The following DSCC1 variants were observed in gnomAD, a reference collection of about 807,000 sequenced individuals.
DSCC1 encodes sister chromatid cohesion protein DCC1.
In DSCC1, 32 loss-of-function variants were observed where a neutral mutation model predicts 48.2. The ratio of observed to expected loss-of-function variants is 0.66; its 90% CI spans 0.50 to 0.89. The LOEUF (loss-of-function observed/expected upper bound fraction) is 0.89, where lower values mean the gene tolerates loss of function less well. Ranked by LOEUF, DSCC1 falls within the 40% of genes least tolerant of loss-of-function variation. DSCC1 has a pLI of 0.00. For missense variants in DSCC1, 421 were observed against 471.7 expected, an observed-to-expected ratio of 0.89 and a Z score of 1.00; for synonymous variants, 150 against 171.5, an observed-to-expected ratio of 0.87 and a Z score of 0.98.
chr8:119,848,097 T>G (rs902691803), intron 3 of DSCC1, among the ~76,000 whole-genome samples: 12 of 152,236 alleles, frequency 7.9e-5, no homozygotes, highest in African/African-American at 2.9e-4. Flanking sequence ...CACCTCATCC[T>G]GGGACTACAG....
At chr8:119,848,983 G>A (rs1053889649) in intron 3 of DSCC1, among the ~76,000 whole-genome samples, 2 of 152,012 alleles carry the variant, frequency 1.3e-5, no homozygotes, top group African/African-American at 4.8e-5. Context: ...AGGAGATCGA[G>A]ACCATCCTGG....
chr8:119,848,385 T>C (rs934428476), intron 3 of DSCC1, among the ~76,000 whole-genome samples: 1 of 152,240 alleles, frequency 6.6e-6, no homozygotes, highest in Non-Finnish European at 1.5e-5. Flanking sequence ...AAAGGACTTG[T>C]ATCTGGACTA....
rs751110303 is a variant in DSCC1, at chr8:119,834,922, C to T, written c.1153G>A (p.Val385Ile). 6.2e-7 allele frequency: 1 copy of T among 1,610,074 alleles called. No homozygotes were observed. Among genetic ancestry groups the T allele is most frequent in the Non-Finnish European group, 8.5e-7 (1 of 1,177,482 alleles). Residue 385 changes from valine (V) to isoleucine (I), a missense_variant, in exon 9 of 9, where the codon GTT (valine) becomes ATT (isoleucine). Around this residue, in one of 3 missense-constraint regions of DSCC1, gnomAD observed 238 missense variants for 259.0 expected, o/e 0.92. Transcript: ENST00000313655. ...GAAATGGGTCTTCTCGAATTATAAA[C>T]TTTAACACCATTTTGCATCGAAGAA... ...SHSSMQNGVK[V>I]YNSRRPIS is the part of the protein sequence containing the mutation.
At chr8:119,846,254 C>T (rs979377723) in intron 4 of DSCC1, among the ~76,000 whole-genome samples, 2 of 151,790 alleles carry the variant, frequency 1.3e-5, no homozygotes, top group African/African-American at 2.4e-5. Flanking sequence ...GCTGGGATTA[C>T]AGGCACCCAC....
intron 7 of DSCC1, among the ~76,000 whole-genome samples, chr8:119,840,927 A>C (rs1826758508): frequency 6.6e-6 from 1 of 151,870 alleles, no homozygotes; most frequent in South Asian, 2.1e-4. Context: ...TAAATAAATA[A>C]ATAAATAAAA....
intron 8 of DSCC1, 92 bp from the exon 9 acceptor site, chr8:119,835,093 A>C (rs1826659664): frequency 4.7e-6 from 4 of 842,612 alleles, no homozygotes; most frequent in Non-Finnish European, 5.5e-6. Context: ...TCTCCCCCTG[A>C]ATCTGTCTTC....
chr8:119,844,622 C>T (rs1027803447), intron 4 of DSCC1, among the ~76,000 whole-genome samples: 50 of 151,424 alleles, frequency 3.3e-4, no homozygotes, highest in African/African-American at 1.1e-3. Flanking sequence ...TACTCTTGCC[C>T]AAGCTGGTCT....
chr8:119,836,477 TGATCCATCAG>T (rs1563942038), intron 8 of DSCC1, among the ~76,000 whole-genome samples: 1 of 152,066 alleles, frequency 6.6e-6, no homozygotes, highest in East Asian at 1.9e-4. Flanking sequence ...AGGTACAAGA[TGATCCATCAG>T]GGTTTGCTCA....
Position 119,842,780 on chromosome 8 carries a change from A to T in DSCC1, c.765T>A (p.Asp255Glu), listed in dbSNP as rs917605356. Residue 255 changes from aspartate to glutamate, a missense_variant, in exon 6 of 9, where the codon GAT (aspartate) becomes GAA (glutamate). Physicochemically the swap from Asp to Glu is conservative, Grantham distance 45. Around this residue, in one of 3 missense-constraint regions of DSCC1, gnomAD observed 238 missense variants for 259.0 expected, o/e 0.92. Coordinates refer to ENST00000313655, the MANE Select transcript of DSCC1 (RefSeq NM_024094.3). ...CLKCYGKKYV[D>E]EGEVYFELDA... ...AGAATACTTTCCAAATCTTACCTTCATCTACATATTTCTTCCCATAACATT... is the reference window on the plus strand; with the variant it reads ...AGAATACTTTCCAAATCTTACCTTCTTCTACATATTTCTTCCCATAACATT... 5.0e-6 allele frequency: 8 copies of T among 1,606,288 alleles called. No homozygotes were observed. The highest frequency in any genetic ancestry group is 6.0e-6 in the Non-Finnish European group (7 of 1,175,862).
chr8:119,843,724 C>A lies in DSCC1; in HGVS notation c.601G>T (p.Asp201Tyr). 6.2e-7 allele frequency: 1 copy of A among 1,610,042 alleles called. No homozygotes were observed. Among genetic ancestry groups the A allele is most frequent in the South Asian group, 1.1e-5 (1 of 89,736 alleles). Residue 201 changes from aspartate to tyrosine, a missense_variant, in exon 5 of 9, where the codon GAT becomes TAT. Around this residue, in one of 3 missense-constraint regions of DSCC1, gnomAD observed 238 missense variants for 259.0 expected, o/e 0.92. Transcript: ENST00000313655. ...TGATTCAGAAGTTTCATCTCATAAT[C>A]AAATTCAAGAATCCTCCAATAACCT... Reference protein sequence around the residue: ...IGGYWRILEFDYEMKLLNHVT... With the variant: ...IGGYWRILEFYYEMKLLNHVT...
chr8:119,845,036 G>C (rs115356542), intron 4 of DSCC1, among the ~76,000 whole-genome samples: 1,673 of 151,362 alleles, frequency 0.011, 32 homozygotes, highest in African/African-American at 0.038. Context: ...TCCTGTGAGA[G>C]ATTATGACAT....
At chr8:119,854,400 A>G (rs1461702867) in intron 1 of DSCC1, among the ~76,000 whole-genome samples, 2 of 152,236 alleles carry the variant, frequency 1.3e-5, no homozygotes, top group African/African-American at 4.8e-5. Flanking sequence ...TTTCTTTTGA[A>G]TAAATAATAA....
At chr8:119,842,482 A>C (rs1389878026) in intron 6 of DSCC1, among the ~76,000 whole-genome samples, 2 of 151,420 alleles carry the variant, frequency 1.3e-5, no homozygotes, top group African/African-American at 4.9e-5. Context: ...CCCCGGGCTC[A>C]GGTGATCCTC....
chr8:119,846,757 G>A (rs187754930), intron 4 of DSCC1, among the ~76,000 whole-genome samples: 7 of 152,220 alleles, frequency 4.6e-5, no homozygotes, highest in Admixed American at 6.5e-5. Flanking sequence ...ACAGGGTTTC[G>A]CCACATTGGC....
At position 119,848,513 on chromosome 8, in the gene DSCC1, T is replaced by A. The variant is rs1323751600; in HGVS notation, c.487-1433A>T. ...AATCGTCAATAAGCCCATGAAAAGA[T>A]GTTCAACATCAATGGAAAATAGTGC... On this transcript the variant is annotated intron_variant, in intron 3 of 8. Coordinates refer to ENST00000313655, the MANE Select transcript of DSCC1 (RefSeq NM_024094.3). 2.0e-5 allele frequency among the ~76,000 whole-genome samples: 3 copies of A among 152,182 alleles called. No individual in the cohort carries two copies. The East Asian group carries it at 5.8e-4, about 29-fold the overall frequency.
chr8:119,845,223 C>T (rs1826838904), intron 4 of DSCC1, among the ~76,000 whole-genome samples: 2 of 152,022 alleles, frequency 1.3e-5, no homozygotes, highest in Non-Finnish European at 2.9e-5. Flanking sequence ...GTAGCTGGGA[C>T]TATAGGCATG....
At chr8:119,845,056 TTTA>T (rs1384550306) in intron 4 of DSCC1, among the ~76,000 whole-genome samples, 535 of 2,642 alleles carry the variant, frequency 0.2, 7 homozygotes, top group African/African-American at 0.28. Flanking sequence ...TGCCATTTTA[TTTA>T]TTTATTTATT....
At chr8:119,854,321 A>G (rs999346780) in intron 1 of DSCC1, among the ~76,000 whole-genome samples, 1 of 152,240 alleles carries the variant, frequency 6.6e-6, no homozygotes, top group African/African-American at 2.4e-5. Context: ...GATGATGGCA[A>G]TGACAGGGGA....
At chr8:119,843,989 C>G (rs1490795919) in intron 4 of DSCC1, among the ~76,000 whole-genome samples, 1 of 152,034 alleles carries the variant, frequency 6.6e-6, no homozygotes, top group African/African-American at 2.4e-5. Context: ...GTTGGCCAGG[C>G]TGGTCCTGAC....
Sources: allele counts gnomAD v4.1 joint callset (sites outside exome capture counted in the v4.1 genomes callset), GRCh38; gene constraint gnomAD v4.1.1; regional missense constraint gnomAD v4.1.1; transcripts MANE v1.5; gene names NCBI Gene and HGNC (gene_info 2026-07-23, HGNC 2026-07-21).